Variants in TRPC6 observed in about 807,000 individuals in gnomAD.
The protein encoded by TRPC6 is short transient receptor potential channel 6.
Under a neutral mutation model 90.7 loss-of-function variants are expected in TRPC6, and 55 were observed. That is an observed-to-expected ratio of 0.61 (90% CI 0.49 to 0.76). The LOEUF (loss-of-function observed/expected upper bound fraction) is 0.76, where lower values mean the gene tolerates loss of function less well. TRPC6 is among the 30% of genes least tolerant of loss of function. TRPC6 has a pLI of 0.00. For synonymous variants in TRPC6, 393 were observed against 393.0 expected (o/e 1.00, Z 0.00); for missense variants, 989 against 1,122.7 (o/e 0.88, Z 1.70).
At chr11:101,573,944 G>GTGTA (rs1555015142) in intron 1 of TRPC6, among the ~76,000 whole-genome samples, 2 of 130,084 alleles carry the variant, frequency 1.5e-5, no homozygotes, top group South Asian at 2.4e-4. Flanking sequence ...GTGTGTGTGT[G>GTGTA]TGTGTGTGTG....
rs976863988 is a variant in TRPC6 at position 101,506,158 on chromosome 11, A to G, written c.171-1360T>C. ...GGATCTCATTACAATTAGAGGTTCAACTCTTACCAGTATCACTAACTGAAC... is the reference window on the plus strand; with the variant it reads ...GGATCTCATTACAATTAGAGGTTCAGCTCTTACCAGTATCACTAACTGAAC... On this transcript the variant is annotated intron_variant, in intron 1 of 12. Transcript: ENST00000344327. 4.0e-5 allele frequency among the ~76,000 whole-genome samples: 6 copies of G among 149,864 alleles called. No homozygotes were observed. In the South Asian group the frequency reaches 1.2e-3, roughly 31 times the overall value.
chr11:101,573,646 A>C (rs143461100), intron 1 of TRPC6, among the ~76,000 whole-genome samples: 1 of 152,250 alleles, frequency 6.6e-6, no homozygotes, highest in East Asian at 1.9e-4. Context: ...TTTCTCATTT[A>C]CAGTAACTCT....
At chr11:101,484,891 T>C (rs1354695322) in intron 4 of TRPC6, among the ~76,000 whole-genome samples, 1 of 152,058 alleles carries the variant, frequency 6.6e-6, no homozygotes, top group Non-Finnish European at 1.5e-5. Flanking sequence ...GGGCGGTATA[T>C]AGTGATGTGT....
At chr11:101,501,772 TTCTCCTTGTGCAGTAATTTTGAG>T (rs1264867614) in intron 2 of TRPC6, among the ~76,000 whole-genome samples, 2 of 152,202 alleles carry the variant, frequency 1.3e-5, no homozygotes, top group Non-Finnish European at 2.9e-5. Context: ...TAACTGCCCT[TTCTCCTTGTGCAGTAATTTTGAG>T]TTAGGTTTCT....
Position 101,499,586 on chromosome 11 carries a change from G to GA in TRPC6, c.945+4437_945+4438insT, listed in dbSNP as rs1565218400. Among the ~76,000 whole-genome samples the GA allele has an allele frequency of 1.8e-3, 83 of 45,588 alleles. 3 individuals carry two copies. The highest frequency in any genetic ancestry group is 6.9e-3 in the African/African-American group (55 of 8,028). The allele number at this position is 45,588 out of a possible 152,430, so 29.9% of individuals were successfully genotyped here. A position where few individuals can be genotyped will look rare whatever the true frequency, so the allele number is the denominator to read the frequency against. Reference sequence around the variant, plus strand: ...ATATACATAAATGGTGTATATATACGTATATATATACGTATATATGGTATA... The same window carrying GA: ...ATATACATAAATGGTGTATATATACGATATATATATACGTATATATGGTATA... On this transcript the variant is annotated intron_variant, in intron 2 of 12. Transcript: ENST00000344327.
Position 101,497,676 on chromosome 11 carries a change from A to T in TRPC6, c.946-5938T>A, listed in dbSNP as rs148151009. Among the ~76,000 whole-genome samples, 703 of 152,286 alleles carry T rather than the reference A, an allele frequency of 4.6e-3. 5 individuals carry two copies. The highest frequency in any genetic ancestry group is 0.016 in the African/African-American group (669 of 41,564). ...CAGAGAAGAGGACAATTCCTGCTAT[A>T]TAAAAGAGGGGATTTTTTTTCCTTT... On this transcript the variant is annotated intron_variant, in intron 2 of 12. Coordinates refer to ENST00000344327, the MANE Select transcript of TRPC6 (RefSeq NM_004621.6).
chr11:101,524,219 C>G (rs10895130), intron 1 of TRPC6, among the ~76,000 whole-genome samples: 75,669 of 151,994 alleles, frequency 0.5, 19,173 homozygotes, highest in African/African-American at 0.57. Flanking sequence ...CAAATGGAGA[C>G]GCAGTGGCTT....
At chr11:101,505,948 G>C (rs1217395709) in intron 1 of TRPC6, among the ~76,000 whole-genome samples, 1 of 150,496 alleles carries the variant, frequency 6.6e-6, no homozygotes, top group Non-Finnish European at 1.5e-5. Flanking sequence ...GGAGATCAAG[G>C]CTGCAGAGAG....
At chr11:101,459,564 A>G (rs1187674348) in intron 10 of TRPC6, among the ~76,000 whole-genome samples, 1 of 152,196 alleles carries the variant, frequency 6.6e-6, no homozygotes, top group African/African-American at 2.4e-5. Context: ...TACAATATAT[A>G]ATATACATTT....
At chr11:101,538,305 G>T (rs1861097993) in intron 1 of TRPC6, among the ~76,000 whole-genome samples, 1 of 151,654 alleles carries the variant, frequency 6.6e-6, no homozygotes, top group Non-Finnish European at 1.5e-5. Flanking sequence ...CTTTTCTATT[G>T]CCTGTTTTCC....
intron 1 of TRPC6, among the ~76,000 whole-genome samples, chr11:101,507,948 C>T (rs1860312373): frequency 6.6e-6 from 1 of 151,830 alleles, no homozygotes; most frequent in Non-Finnish European, 1.5e-5. Flanking sequence ...CTTTAATTTT[C>T]TTATCTTTTC....
chr11:101,473,845 C>A, intron 6 of TRPC6, 72 bp from the exon 7 acceptor site: 2 of 1,598,064 alleles, frequency 1.3e-6, no homozygotes, highest in Non-Finnish European at 1.7e-6. Flanking sequence ...TCTTTTTCTG[C>A]GAAAGAAATA....
chr11:101,531,021 T>C (rs1025936771), intron 1 of TRPC6, among the ~76,000 whole-genome samples: 1 of 152,160 alleles, frequency 6.6e-6, no homozygotes, highest in Non-Finnish European at 1.5e-5. Context: ...ATGGTGACTA[T>C]AGTAAATAAT....
intron 1 of TRPC6, among the ~76,000 whole-genome samples, chr11:101,551,448 A>T (rs996316818): frequency 2.0e-5 from 3 of 152,042 alleles, no homozygotes; most frequent in African/African-American, 7.2e-5. Context: ...CTTTGTTGGC[A>T]TAATTTCTCT....
chr11:101,542,819 G>C (rs139654252), intron 1 of TRPC6, among the ~76,000 whole-genome samples: 1 of 152,060 alleles, frequency 6.6e-6, no homozygotes, highest in Non-Finnish European at 1.5e-5. Flanking sequence ...ATGAACTTCA[G>C]ACTTCAACAT....
intron 1 of TRPC6, among the ~76,000 whole-genome samples, chr11:101,509,315 T>C (rs1195725723): frequency 6.6e-6 from 1 of 151,864 alleles, no homozygotes; most frequent in Non-Finnish European, 1.5e-5. Context: ...CCCAGGCTGG[T>C]ATCAAACTCG....
intron 1 of TRPC6, among the ~76,000 whole-genome samples, chr11:101,573,921 C>CGTGTGT (rs58766729): frequency 0.11 from 14,486 of 131,882 alleles, 1,146 homozygotes; most frequent in East Asian, 0.27. Flanking sequence ...GAAACAAATA[C>CGTGTGT]GTGTGTGTGT....
intron 5 of TRPC6, among the ~76,000 whole-genome samples, chr11:101,481,394 G>A (rs550834620): frequency 1.3e-5 from 2 of 152,266 alleles, no homozygotes; most frequent in African/African-American, 4.8e-5. Flanking sequence ...GAGGATGGCT[G>A]GAACTTTATT....
intron 1 of TRPC6, among the ~76,000 whole-genome samples, chr11:101,511,029 C>G (rs1049631195): frequency 6.6e-6 from 1 of 151,930 alleles, no homozygotes; most frequent in African/African-American, 2.4e-5. Flanking sequence ...TGTAGTCAGC[C>G]GTAAGCGTAA....
Sources: allele counts gnomAD v4.1 joint callset (sites outside exome capture counted in the v4.1 genomes callset), GRCh38; gene constraint gnomAD v4.1.1; transcripts MANE v1.5; gene names NCBI Gene and HGNC (gene_info 2026-07-23, HGNC 2026-07-21).